Variants in ELP4 observed in about 807,000 individuals in gnomAD.
ELP4 encodes the protein elongator complex protein 4.
ELP4 carries 51 observed loss-of-function variants against 48.9 expected under a neutral mutation model. That is an observed-to-expected ratio of 1.04 (90% CI 0.83 to 1.32). ELP4 has a LOEUF of 1.32. Among genes scored for constraint, ELP4 ranks in the 40% most tolerant of loss-of-function variants. ELP4 has a pLI of 0.00. For synonymous variants in ELP4, 210 were observed against 189.2 expected (o/e 1.11, Z -0.90); for missense variants, 519 against 514.6 (o/e 1.01, Z -0.08).
chr11:31,536,223 C>A (rs1221361490), intron 2 of ELP4, among the ~76,000 whole-genome samples: 1 of 151,668 alleles, frequency 6.6e-6, no homozygotes, highest in African/African-American at 2.4e-5. Flanking sequence ...TGTCATAAAC[C>A]TTCTGTATAA....
chr11:31,688,311 C>T (rs965490530), intron 9 of ELP4, among the ~76,000 whole-genome samples: 6 of 152,148 alleles, frequency 3.9e-5, no homozygotes, highest in Non-Finnish European at 5.9e-5. Flanking sequence ...TCCCCACCTC[C>T]ATCCTCACCC....
chr11:31,636,361 CTTTA>C (rs1438253121), intron 7 of ELP4, among the ~76,000 whole-genome samples: 1 of 151,734 alleles, frequency 6.6e-6, no homozygotes, highest in East Asian at 1.9e-4. Context: ...ATTGTGATAT[CTTTA>C]TTTGAGTGCA....
chr11:31,719,357 A>G, intron 9 of ELP4: 1 of 394,060 alleles, frequency 2.5e-6, no homozygotes, highest in Non-Finnish European at 4.5e-6. Context: ...ACAGTGGCAG[A>G]GTTTTTGTGG....
chr11:31,689,104 T>A (rs1946221006), intron 9 of ELP4: 1 of 152,162 alleles, frequency 6.6e-6, no homozygotes, highest in East Asian at 1.9e-4. Context: ...GTATGATTAA[T>A]TATTAATTAG....
intron 9 of ELP4, among the ~76,000 whole-genome samples, chr11:31,659,071 T>C (rs1036810112): frequency 4.6e-5 from 7 of 152,174 alleles, no homozygotes; most frequent in East Asian, 3.9e-4. Flanking sequence ...TAAGAAAATA[T>C]AATGATAAAT....
chr11:31,711,564 CTGTTA>C (rs1946743253), intron 9 of ELP4, among the ~76,000 whole-genome samples: 1 of 152,034 alleles, frequency 6.6e-6, no homozygotes, highest in Admixed American at 6.6e-5. Context: ...TGAAATTATT[CTGTTA>C]TATTTTTGGT....
intron 5 of ELP4, among the ~76,000 whole-genome samples, chr11:31,620,759 G>A (rs1047477064): frequency 5.9e-5 from 9 of 151,874 alleles, no homozygotes; most frequent in African/African-American, 2.2e-4. Context: ...CCTCTTAATA[G>A]TATCCCTGTC....
intron 7 of ELP4, chr11:31,647,205 A>G (rs1468337841): frequency 6.6e-6 from 1 of 151,774 alleles, no homozygotes; most frequent in Non-Finnish European, 1.5e-5. Context: ...GCCATGTTGC[A>G]GTCTCTTAGC....
At chr11:31,566,348 A>T (rs1306277648) in intron 3 of ELP4, among the ~76,000 whole-genome samples, 1 of 151,802 alleles carries the variant, frequency 6.6e-6, no homozygotes, top group Non-Finnish European at 1.5e-5. Flanking sequence ...TCAGAGCGAG[A>T]CTGCATCTCC....
intron 9 of ELP4, among the ~76,000 whole-genome samples, chr11:31,758,033 GATCATTATAAT>G (rs1183999696): frequency 6.6e-6 from 1 of 151,978 alleles, no homozygotes; most frequent in Non-Finnish European, 1.5e-5. Flanking sequence ...TTTCCTCCCT[GATCATTATAAT>G]TTTCTAAAAC....
intron 9 of ELP4, among the ~76,000 whole-genome samples, chr11:31,699,419 T>G (rs1010086155): frequency 1.3e-5 from 2 of 152,118 alleles, no homozygotes; most frequent in African/African-American, 4.8e-5. Flanking sequence ...AAAATGGAAA[T>G]TCATGAGCCC....
At chr11:31,738,462 A>G (rs981661814) in intron 9 of ELP4, among the ~76,000 whole-genome samples, 2 of 151,814 alleles carry the variant, frequency 1.3e-5, no homozygotes, top group Admixed American at 1.3e-4. Flanking sequence ...AGCCAGGCAT[A>G]GTGGCCGACG....
intron 3 of ELP4, among the ~76,000 whole-genome samples, chr11:31,572,340 A>G (rs1193979195): frequency 2.6e-5 from 4 of 152,194 alleles, no homozygotes; most frequent in African/African-American, 4.8e-5. Flanking sequence ...TTAATTATAT[A>G]GATATTTTTA....
At chr11:31,739,731 A>G (rs1407254212) in intron 9 of ELP4, among the ~76,000 whole-genome samples, 1 of 152,224 alleles carries the variant, frequency 6.6e-6, no homozygotes, top group Non-Finnish European at 1.5e-5. Flanking sequence ...ATGTTTACCT[A>G]CAAATATCTT....
At chr11:31,637,024 A>G (rs1422496798) in intron 7 of ELP4, among the ~76,000 whole-genome samples, 3 of 151,928 alleles carry the variant, frequency 2.0e-5, no homozygotes, top group African/African-American at 4.8e-5. Context: ...GAAAATGGCT[A>G]AGTTAAGTAC....
chr11:31,545,178 C>G (rs889690153), intron 3 of ELP4, among the ~76,000 whole-genome samples: 2 of 152,114 alleles, frequency 1.3e-5, no homozygotes, highest in Non-Finnish European at 2.9e-5. Flanking sequence ...TTCAGACGAT[C>G]AAACTACGAG....
At chr11:31,673,865 T>C (rs1945861050) in intron 9 of ELP4, among the ~76,000 whole-genome samples, 1 of 152,238 alleles carries the variant, frequency 6.6e-6, no homozygotes. Context: ...TTTTTTGATA[T>C]CTAATGAAAT....
In ELP4 at chr11:31,649,862, C is replaced by T. The variant is rs560608128; in HGVS notation, c.1037-253C>T. Reference sequence around the variant, plus strand: ...TGTAGTTTTGACAAGTATTAAGATCCCTCTTTACATCTGTACTTCTGTACC... The same window carrying T: ...TGTAGTTTTGACAAGTATTAAGATCTCTCTTTACATCTGTACTTCTGTACC... On this transcript the variant is annotated intron_variant, in intron 8 of 9. Transcript: ENST00000640961. 21 of 315,154 alleles carry T rather than the reference C, an allele frequency of 6.7e-5. No individual in the cohort carries two copies. In the East Asian group the frequency reaches 1.0e-3, roughly 16 times the overall value. The allele number at this position is 315,154 out of a possible 1,614,324, so 19.5% of individuals were successfully genotyped here.
intron 9 of ELP4, among the ~76,000 whole-genome samples, chr11:31,742,335 C>G (rs1031766801): frequency 3.9e-5 from 6 of 152,140 alleles, no homozygotes; most frequent in African/African-American, 1.4e-4. Context: ...GGATATTATC[C>G]AGGAGAACTT....
Sources: allele counts gnomAD v4.1 joint callset (sites outside exome capture counted in the v4.1 genomes callset), GRCh38; gene constraint gnomAD v4.1.1; transcripts MANE v1.5; gene names NCBI Gene and HGNC (gene_info 2026-07-23, HGNC 2026-07-21).